LAMA3: variants seen among roughly 807,000 people sequenced by gnomAD.
LAMA3 encodes laminin subunit alpha-3.
LAMA3 carries 281 observed loss-of-function variants against 402.0 expected under a neutral mutation model. The ratio of observed to expected loss-of-function variants is 0.70; its 90% CI spans 0.63 to 0.77. LAMA3 has a LOEUF of 0.77. Ranked by LOEUF, LAMA3 falls within the 30% of genes least tolerant of loss-of-function variation. The probability of loss-of-function intolerance (pLI) is 0.00; values close to 1 mark genes in which losing one functional copy is unlikely to be tolerated. For missense variants in LAMA3, 3,840 were observed against 4,215.5 expected, an observed-to-expected ratio of 0.91 and a Z score of 2.47; for synonymous variants, 1,431 against 1,558.4, an observed-to-expected ratio of 0.92 and a Z score of 1.93.
At chr18:23,740,597 T>C (rs570072411) in intron 2 of LAMA3, among the ~76,000 whole-genome samples, 20 of 152,300 alleles carry the variant, frequency 1.3e-4, no homozygotes, top group Non-Finnish European at 2.1e-4. Context: ...TCCTGCTGAC[T>C]TGAATCTCGA....
At position 23,837,069 on chromosome 18, in the gene LAMA3, C is replaced by A. The variant is rs758068658; in HGVS notation, c.3073C>A (p.His1025Asn). The A allele has an allele frequency of 6.2e-7, 1 of 1,611,366 alleles. No homozygotes were observed. The highest frequency in any genetic ancestry group is 2.2e-5 in the East Asian group (1 of 44,878). Residue 1025 changes from histidine to asparagine, a missense_variant, in exon 25 of 75, where the codon CAC becomes AAC. By Grantham distance (68) the His-to-Asn change is moderately conservative. Around this residue, in one of 3 missense-constraint regions of LAMA3, gnomAD observed 2,109 missense variants for 2,376.0 expected, o/e 0.89. Transcript: ENST00000313654. ...AGATGCAGACATTCAGCTCAAGGGA[C>A]ACATGGCCCGATTCCTTCTGGTATG... Reference protein sequence around the residue: ...LADADIQLKGHMARFLLHQVC... With the variant: ...LADADIQLKGNMARFLLHQVC...
intron 49 of LAMA3, among the ~76,000 whole-genome samples, chr18:23,903,537 G>T (rs1201919661): frequency 1.3e-5 from 2 of 151,916 alleles, no homozygotes; most frequent in African/African-American, 4.8e-5. Flanking sequence ...TAAGTTTTAG[G>T]GTACATGTGC....
intron 32 of LAMA3, among the ~76,000 whole-genome samples, chr18:23,849,156 A>G (rs940189300): frequency 3.3e-5 from 5 of 152,180 alleles, no homozygotes; most frequent in Admixed American, 3.3e-4. Context: ...ACTTGGACAG[A>G]TCTTTTGTGG....
chr18:23,853,728 T>C (rs973423211), intron 32 of LAMA3, among the ~76,000 whole-genome samples: 7 of 152,196 alleles, frequency 4.6e-5, no homozygotes, highest in Admixed American at 3.3e-4. Flanking sequence ...CTCCCCAGAA[T>C]TGCCATTCTG....
At chr18:23,815,603 G>A in intron 17 of LAMA3, 30 bp downstream of exon 17, 1 of 1,411,544 alleles carries the variant, frequency 7.1e-7, no homozygotes, top group Non-Finnish European at 1.0e-6. Flanking sequence ...CCTGAGCAAA[G>A]CACAGTGTTG....
intron 10 of LAMA3, among the ~76,000 whole-genome samples, chr18:23,776,841 C>CTT (rs34901172): frequency 0.014 from 1,968 of 135,864 alleles, 37 homozygotes; most frequent in South Asian, 0.051. Flanking sequence ...TTGTATTTGC[C>CTT]TTTTTTTTTT....
chr18:23,842,239 G>A (rs1444897691), intron 27 of LAMA3, among the ~76,000 whole-genome samples, 156 bp from the exon 28 acceptor site: 1 of 152,232 alleles, frequency 6.6e-6, no homozygotes, highest in African/African-American at 2.4e-5. Flanking sequence ...AAATGTATGT[G>A]TGAAGGCTTC....
intron 74 of LAMA3, 79 bp from the exon 75 acceptor site, chr18:23,954,421 AAAT>A: frequency 5.5e-6 from 7 of 1,263,334 alleles, no homozygotes; most frequent in Non-Finnish European, 4.5e-6. Flanking sequence ...AAAAAAAAAA[AAAT>A]ACTATCTTTT....
chr18:23,792,044 C>A (rs1012338010), intron 12 of LAMA3, among the ~76,000 whole-genome samples: 2 of 152,006 alleles, frequency 1.3e-5, no homozygotes, highest in Non-Finnish European at 2.9e-5. Flanking sequence ...TTTTATGACA[C>A]TTTCGACTCT....
chr18:23,952,860 T>G, intron 73 of LAMA3, 130 bp from the exon 74 acceptor site: 14 of 1,188,728 alleles, frequency 1.2e-5, no homozygotes, highest in Non-Finnish European at 1.7e-5. Context: ...AATTTATATC[T>G]AAGCTGACCA....
Position 23,815,585 on chromosome 18 carries a change from C to T in LAMA3, c.2047+12C>T. On this transcript the variant is annotated intron_variant, in intron 17 of 74. Coordinates refer to ENST00000313654, the MANE Select transcript of LAMA3 (RefSeq NM_198129.4). ...CTTTGGGTGTCAAGGTAAATAAGTC[C>T]ATTGGGCCCTGAGCAAAGCACAGTG... The T allele has an allele frequency of 6.5e-7, 1 of 1,549,570 alleles. No individual in the cohort carries two copies. The highest frequency in any genetic ancestry group is 8.9e-7 in the Non-Finnish European group (1 of 1,121,216).
rs754072325 is a variant in LAMA3, at chr18:23,909,133, A to AT, written c.7016-12dup. 12 of 1,608,640 alleles carry AT rather than the reference A, an allele frequency of 7.5e-6. No individual in the cohort carries two copies. Among genetic ancestry groups the AT allele is most frequent in the East Asian group, 4.5e-5 (2 of 44,826 alleles). Reference sequence around the variant, plus strand: ...TCTTAATGCACAATCTTACATTTCTATTTTTTTTCTCACCAACAGTGAATA... The same window carrying AT: ...TCTTAATGCACAATCTTACATTTCTATTTTTTTTTCTCACCAACAGTGAATA... On this transcript the variant is annotated intron_variant, in intron 54 of 74. Coordinates refer to ENST00000313654, the MANE Select transcript of LAMA3 (RefSeq NM_198129.4).
intron 10 of LAMA3, among the ~76,000 whole-genome samples, chr18:23,777,136 G>A (rs1014008241): frequency 2.0e-5 from 3 of 151,870 alleles, no homozygotes; most frequent in Admixed American, 6.6e-5. Flanking sequence ...CACTGCGCTC[G>A]GCCTGCCTTT....
chr18:23,899,989 A>G (rs534747232), intron 47 of LAMA3, among the ~76,000 whole-genome samples: 2 of 152,280 alleles, frequency 1.3e-5, no homozygotes, highest in African/African-American at 4.8e-5. Context: ...TTTCATTTAC[A>G]TCTTATACAC....
intron 1 of LAMA3, among the ~76,000 whole-genome samples, chr18:23,692,690 G>GT (rs1283166079): frequency 6.6e-6 from 1 of 151,998 alleles, no homozygotes; most frequent in African/African-American, 2.4e-5. Flanking sequence ...TCTGATGCTT[G>GT]TTTTCTATAT....
intron 35 of LAMA3, 145 bp downstream of exon 35, chr18:23,861,952 G>A (rs1250120335): frequency 7.6e-6 from 7 of 919,884 alleles, no homozygotes; most frequent in Non-Finnish European, 9.7e-6. Context: ...AAGTGAGGAA[G>A]AGACCCTGCC....
chr18:23,898,512 T>A, intron 44 of LAMA3: 1 of 571,666 alleles, frequency 1.7e-6, no homozygotes, highest in South Asian at 2.1e-5. Context: ...AAGTAGCTCT[T>A]ATCTCTTCAC....
At chr18:23,862,910 C>T (rs984282272) in intron 35 of LAMA3, among the ~76,000 whole-genome samples, 4 of 151,766 alleles carry the variant, frequency 2.6e-5, no homozygotes, top group East Asian at 1.9e-4. Context: ...TTTCTCATCA[C>T]GTGAGACCCT....
rs758608643 is a variant in LAMA3, at chr18:23,749,557, T to C, written c.684+11T>C. On this transcript the variant is annotated intron_variant, in intron 4 of 74. Coordinates refer to ENST00000313654, the MANE Select transcript of LAMA3 (RefSeq NM_198129.4). ...TTGGAAAATGGTGAGGTAAGTAGAT[T>C]TGGAAGACTGGGAGAGATAAGACTC... 18 of 1,444,310 alleles carry C rather than the reference T, an allele frequency of 1.2e-5. No homozygotes were observed. Among genetic ancestry groups the C allele is most frequent in the Non-Finnish European group, 1.8e-5 (18 of 1,025,062 alleles). 89.5% of individuals were successfully genotyped at this position (1,444,310 alleles called of 1,614,324 possible). A position where few individuals can be genotyped will look rare whatever the true frequency, so the allele number is the denominator to read the frequency against.
Sources: allele counts gnomAD v4.1 joint callset (sites outside exome capture counted in the v4.1 genomes callset), GRCh38; gene constraint gnomAD v4.1.1; regional missense constraint gnomAD v4.1.1; transcripts MANE v1.5; gene names NCBI Gene and HGNC (gene_info 2026-07-23, HGNC 2026-07-21).